Variants in GP2 observed in about 807,000 individuals in gnomAD.
The protein encoded by GP2 is glycoprotein 2.
Under a neutral mutation model 60.8 loss-of-function variants are expected in GP2, and 58 were observed. That is an observed-to-expected ratio of 0.95 (90% confidence interval 0.77 to 1.19). The LOEUF (loss-of-function observed/expected upper bound fraction) is 1.19, where lower values mean the gene tolerates loss of function less well. GP2 is among the 50% of genes most tolerant of loss of function. The probability of loss-of-function intolerance (pLI) is 0.00; values close to 1 mark genes in which losing one functional copy is unlikely to be tolerated. For missense variants in GP2, 647 were observed against 667.4 expected (o/e 0.97, Z 0.34); for synonymous variants, 280 against 253.4 (o/e 1.10, Z -1.00).
chr16:20,315,517 A>C (rs1295941136), intron 9 of GP2, among the ~76,000 whole-genome samples: 3 of 152,176 alleles, frequency 2.0e-5, no homozygotes, highest in African/African-American at 7.2e-5. Context: ...TTTAGACGGG[A>C]TTTAGGACTT....
In GP2 at chr16:20,320,284, C is replaced by T; in HGVS notation, c.836G>A (p.Ser279Asn). ...WVSVTSPVQA[S>N]ACRNILERNQ... ...TACCTCCAGAATGTTCCTGCAGGCA[C>T]TAGCCTGGACGGGGCTGGTCACAGA... Residue 279 changes from serine to asparagine, a missense_variant, in exon 5 of 11, where the codon AGT becomes AAT. Transcript: ENST00000302555. 6.2e-7 allele frequency: 1 copy of T among 1,613,826 alleles called. No homozygotes were observed. The highest frequency in any genetic ancestry group is 8.5e-7 in the Non-Finnish European group (1 of 1,179,686).
chr16:20,320,607 G>T (rs1362859562), intron 4 of GP2, 134 bp from the exon 5 acceptor site: 2 of 671,446 alleles, frequency 3.0e-6, no homozygotes, highest in East Asian at 2.7e-5. Flanking sequence ...TGGAATTCAT[G>T]CCTAGGCTGG....
At chr16:20,324,606 C>A (rs1964478821) in intron 2 of GP2, among the ~76,000 whole-genome samples, 1 of 152,106 alleles carries the variant, frequency 6.6e-6, no homozygotes, top group Admixed American at 6.6e-5. Flanking sequence ...GAAAAAGAAC[C>A]TCAAACATCA....
chr16:20,322,551 G>A (rs1191801565), intron 4 of GP2, among the ~76,000 whole-genome samples: 1 of 152,044 alleles, frequency 6.6e-6, no homozygotes, highest in Non-Finnish European at 1.5e-5. Flanking sequence ...AAGACCCTGT[G>A]GCTATGAAAA....
At chr16:20,324,475 G>A (rs981982378) in intron 2 of GP2, among the ~76,000 whole-genome samples, 27 of 152,306 alleles carry the variant, frequency 1.8e-4, no homozygotes, top group Admixed American at 1.3e-3. Context: ...CAGGGCTACC[G>A]TCCTGCACAG....
rs1963948374 is a variant in GP2, at chr16:20,309,727, G to T, written c.*1496C>A. On this transcript the variant is annotated 3_prime_UTR_variant, in exon 11 of 11. Coordinates refer to ENST00000302555, the MANE Select transcript of GP2 (RefSeq NM_001502.4). Reference sequence around the variant, plus strand: ...GGAACAGAAGGCAAGACAAACTTTGGTTTCTTTTGGCTTGCCAGGCCCCAC... The same window carrying T: ...GGAACAGAAGGCAAGACAAACTTTGTTTTCTTTTGGCTTGCCAGGCCCCAC... 1 of 149,410 alleles carries T rather than the reference G, an allele frequency of 6.7e-6. No homozygotes were observed. Among genetic ancestry groups the T allele is most frequent in the African/African-American group, 2.6e-5 (1 of 38,826 alleles). 9.3% of individuals were successfully genotyped at this position (149,410 alleles called of 1,614,324 possible). A position where few individuals can be genotyped will look rare whatever the true frequency, so the allele number is the denominator to read the frequency against.
At chr16:20,323,025 C>T (rs1196502640) in intron 3 of GP2, 46 bp from the exon 4 acceptor site, 2 of 1,145,200 alleles carry the variant, frequency 1.7e-6, no homozygotes, top group Admixed American at 1.8e-5. Flanking sequence ...GCAGTGCGGG[C>T]TGGACTTGAG....
intron 9 of GP2, among the ~76,000 whole-genome samples, chr16:20,315,122 A>C (rs991279635): frequency 6.6e-6 from 1 of 152,190 alleles, no homozygotes; most frequent in African/African-American, 2.4e-5. Flanking sequence ...AAATGGTAGG[A>C]AAACTCAGGG....
At chr16:20,312,191 T>C (rs1964012795) in intron 10 of GP2, among the ~76,000 whole-genome samples, 1 of 152,194 alleles carries the variant, frequency 6.6e-6, no homozygotes, top group Non-Finnish European at 1.5e-5. Context: ...TCAGTTTCAG[T>C]GAAGGACGTG....
intron 10 of GP2, among the ~76,000 whole-genome samples, chr16:20,312,235 C>T (rs150679971): frequency 3.3e-5 from 5 of 152,218 alleles, no homozygotes; most frequent in Non-Finnish European, 4.4e-5. Flanking sequence ...TATCAGAGGG[C>T]CTAGGAGAAA....
At chr16:20,319,397 T>G (rs1596523304) in intron 6 of GP2, among the ~76,000 whole-genome samples, 1 of 152,358 alleles carries the variant, frequency 6.6e-6, no homozygotes, top group Non-Finnish European at 1.5e-5. Context: ...ATTGCCTAGT[T>G]ATAACAATCT....
At position 20,324,262 on chromosome 16, in the gene GP2, A is replaced by T. The variant is rs1596528380; in HGVS notation, c.95-6T>A. ...TTCAATGGGGTTTCCATAACCTGGG[A>T]AAGTGACAGAGTGCAGTTGGGTTTA... On this transcript the variant is annotated splice_region_variant and splice_polypyrimidine_tract_variant and intron_variant, in intron 2 of 10. Transcript: ENST00000302555. 1 of 1,580,372 alleles carries T rather than the reference A, an allele frequency of 6.3e-7. No individual in the cohort carries two copies. Among genetic ancestry groups the T allele is most frequent in the South Asian group, 1.1e-5 (1 of 87,374 alleles).
chr16:20,325,270 G>A (rs964381029), intron 2 of GP2, among the ~76,000 whole-genome samples: 7 of 152,144 alleles, frequency 4.6e-5, no homozygotes, highest in African/African-American at 1.7e-4. Context: ...CCGTTCCTAC[G>A]CTTTGGGTCA....
At chr16:20,317,923 A>C (rs1964235328) in intron 7 of GP2, among the ~76,000 whole-genome samples, 1 of 152,196 alleles carries the variant, frequency 6.6e-6, no homozygotes, top group Admixed American at 6.5e-5. Flanking sequence ...CATCACTACC[A>C]AATTGATTCC....
intron 7 of GP2, 102 bp from the exon 8 acceptor site, chr16:20,317,477 C>G (rs1421316781): frequency 1.6e-5 from 13 of 814,868 alleles, no homozygotes; most frequent in Non-Finnish European, 2.2e-5. Context: ...TGGACTTTTT[C>G]TGTTCCTCTG....
rs752457559 is a variant in GP2, at chr16:20,324,100, C to T, written c.251G>A (p.Gly84Glu). 7 of 1,614,052 alleles carry T rather than the reference C, an allele frequency of 4.3e-6. No individual in the cohort carries two copies. In the African/African-American group the frequency reaches 9.3e-5, roughly 22 times the overall value. The change falls in exon 3 of 11, where the codon GGG (glycine) becomes GAG (glutamate). Residue 84 changes from glycine to glutamate, a missense_variant. Transcript: ENST00000302555. ...RSTENSAGSQ[G>E]CDKNMSGWYR... ...CCAGCCGCTCATGTTTTTATCGCAC[C>T]CCTGGGACCCTGCTGAGTTCTCTGT...
Position 20,314,662 on chromosome 16 carries a change from G to T in GP2, c.1541C>A (p.Thr514Asn). 1 of 1,596,704 alleles carries T rather than the reference G, an allele frequency of 6.3e-7. No individual in the cohort carries two copies. Among genetic ancestry groups the T allele is most frequent in the Non-Finnish European group, 8.6e-7 (1 of 1,164,090 alleles). ...SPGVMNGTPSTAGFLVAWPMV... is the reference protein window; with the variant it reads ...SPGVMNGTPSNAGFLVAWPMV... ...GGCATGAGAAAATGATGTACCTGCA[G>T]TGCTAGGGGTTCCATTCATGACACC... The change falls in exon 10 of 11, where the codon ACT (threonine) becomes AAT (asparagine). Residue 514 changes from threonine (T) to asparagine (N), a missense_variant. Coordinates refer to ENST00000302555, the MANE Select transcript of GP2 (RefSeq NM_001502.4).
In GP2 at chr16:20,320,430, C is replaced by A; in HGVS notation, c.690G>T (p.Glu230Asp). ...LQPQLDCGPR[E>D]IKVKVDKCLL... is the part of the protein sequence containing the mutation. ...AACATTTGTCCACCTTCACCTTGAT[C>A]TCCCTGGGCCCACAGTCTAGCTGAG... Residue 230 changes from glutamate to aspartate, a missense_variant, in exon 5 of 11, where the codon GAG (glutamate) becomes GAT (aspartate). Transcript: ENST00000302555. 6.2e-7 allele frequency: 1 copy of A among 1,614,050 alleles called. No homozygotes were observed. The highest frequency in any genetic ancestry group is 8.5e-7 in the Non-Finnish European group (1 of 1,179,914).
chr16:20,321,051 CTT>C (rs34930372), intron 4 of GP2, among the ~76,000 whole-genome samples: 34 of 135,742 alleles, frequency 2.5e-4, no homozygotes, highest in African/African-American at 3.8e-4. Flanking sequence ...CTCTGTCTCT[CTT>C]TTTTTTTTTT....
Sources: allele counts gnomAD v4.1 joint callset (sites outside exome capture counted in the v4.1 genomes callset), GRCh38; gene constraint gnomAD v4.1.1; transcripts MANE v1.5; gene names NCBI Gene and HGNC (gene_info 2026-07-23, HGNC 2026-07-21).